RNF213: variants seen among roughly 807,000 people sequenced by gnomAD.
RNF213 encodes E3 ubiquitin-protein ligase RNF213.
A neutral mutation model predicts 514.4 loss-of-function variants in RNF213; 341 were observed. The observed-to-expected ratio is 0.66, with a 90% CI of 0.61 to 0.73. RNF213 has a LOEUF of 0.73. Among genes scored for constraint, RNF213 ranks in the 30% least tolerant of loss-of-function variants. The pLI is 0.00. For synonymous variants in RNF213, 2,655 were observed against 2,658.2 expected (o/e 1.00, Z 0.04); for missense variants, 5,767 against 6,615.6 (o/e 0.87, Z 4.45).
chr17:80,364,760 T>G (rs969756602), intron 42 of RNF213: 3 of 583,628 alleles, frequency 5.1e-6, no homozygotes, highest in Non-Finnish European at 9.1e-6. Context: ...GATTGCTAAG[T>G]CAGAGCATAT....
In RNF213 at chr17:80,343,252, G is replaced by A. The variant is rs1255956292; in HGVS notation, c.6110G>A (p.Gly2037Asp). 6.2e-7 allele frequency: 1 copy of A among 1,613,762 alleles called. No individual in the cohort carries two copies. The highest frequency in any genetic ancestry group is 8.5e-7 in the Non-Finnish European group (1 of 1,179,892). ...DPQVDESRVL[G>D]ALLPFLDAQY... is the part of the protein sequence containing the mutation. ...CAGGTGGATGAGAGCCGAGTCCTGG[G>A]CGCCCTGCTGCCCTTCCTGGATGCG... The change falls in exon 27 of 68, where the codon GGC becomes GAC. Residue 2037 changes from glycine to aspartate, a missense_variant. Transcript: ENST00000582970. This position sits in a 1 kb window ranked among gnomAD's most constrained non-coding sequence, Gnocchi z 4.3.
At chr17:80,383,258 C>T (rs1448920400) in intron 58 of RNF213, among the ~76,000 whole-genome samples, 188 bp downstream of exon 58, 1 of 152,194 alleles carries the variant, frequency 6.6e-6, no homozygotes, top group Non-Finnish European at 1.5e-5. Flanking sequence ...GTGCTCTTCC[C>T]TCCTACAGCT....
chr17:80,270,381 A>G (rs2043780824), intron 2 of RNF213, among the ~76,000 whole-genome samples: 1 of 152,222 alleles, frequency 6.6e-6, no homozygotes, highest in Non-Finnish European at 1.5e-5. Context: ...ATTCCCAGCC[A>G]CTAGCCTGCT....
At chr17:80,368,874 G>A (rs1320449710) in intron 44 of RNF213, among the ~76,000 whole-genome samples, 2 of 152,182 alleles carry the variant, frequency 1.3e-5, no homozygotes, top group Non-Finnish European at 2.9e-5. Flanking sequence ...CTCTGTGAGT[G>A]GTTGGTTTTC....
intron 17 of RNF213, 79 bp from the exon 18 acceptor site, chr17:80,324,951 T>A: frequency 1.5e-6 from 2 of 1,312,560 alleles, no homozygotes; most frequent in Admixed American, 2.0e-5. Flanking sequence ...TGCTATCGAG[T>A]AGGTAATTTG....
intron 38 of RNF213, 181 bp downstream of exon 38, chr17:80,360,387 G>A (rs2079010410): frequency 2.8e-6 from 2 of 712,084 alleles, no homozygotes; most frequent in Non-Finnish European, 2.4e-6. Context: ...AGTTTCTGCT[G>A]AAGGAGTGAG....
chr17:80,283,105 T>C (rs2044354397), intron 3 of RNF213, among the ~76,000 whole-genome samples: 2 of 152,162 alleles, frequency 1.3e-5, no homozygotes. Context: ...CGTAAAATTA[T>C]AAATACCGCT....
intron 8 of RNF213, among the ~76,000 whole-genome samples, chr17:80,293,608 G>C (rs1297406666): frequency 6.6e-6 from 1 of 151,878 alleles, no homozygotes; most frequent in Non-Finnish European, 1.5e-5. Context: ...CGGATCACGA[G>C]GTCAGGAGAT....
Position 80,353,874 on chromosome 17 carries a change from C to G in RNF213, c.10579-145C>G. 8.2e-7 allele frequency: 1 copy of G among 1,217,898 alleles called. No homozygotes were observed. The highest frequency in any genetic ancestry group is 2.0e-5 in the Admixed American group (1 of 51,070). 75.4% of individuals were successfully genotyped at this position (1,217,898 alleles called of 1,614,324 possible). Reference sequence around the variant, plus strand: ...CACCGGCAGTTTGGGGGGTGCAGGGCGGAGGTCGGCGTCTCTTCTTTGTCC... The same window carrying G: ...CACCGGCAGTTTGGGGGGTGCAGGGGGGAGGTCGGCGTCTCTTCTTTGTCC... On this transcript the variant is annotated intron_variant, in intron 34 of 67. Transcript: ENST00000582970. This position sits in a 1 kb window ranked among gnomAD's most constrained non-coding sequence, Gnocchi z 5.0.
At position 80,290,499 on chromosome 17, in the gene RNF213, GCGTGTGTGCA is replaced by G. The variant is rs1568019665; in HGVS notation, c.1113-70_1113-61del. 347 of 1,575,936 alleles carry G rather than the reference GCGTGTGTGCA, an allele frequency of 2.2e-4. 3 individuals carry two copies. The South Asian group carries it at 3.5e-3, about 16-fold the overall frequency. On this transcript the variant is annotated intron_variant, in intron 6 of 67. Transcript: ENST00000582970. ...TGTGTGTGCGCACGTGTGTGTGTGC[GCGTGTGTGCA>G]TGCACATGGCAGGTGGACAGATCTC...
rs1455631493 is a variant in RNF213, at chr17:80,383,667, C to A, written c.14071-10C>A. 6.2e-7 allele frequency: 1 copy of A among 1,608,352 alleles called. No individual in the cohort carries two copies. Among genetic ancestry groups the A allele is most frequent in the Non-Finnish European group, 8.5e-7 (1 of 1,177,990 alleles). ...CTTCCAGAATTTTTTTTTTCATTTT[C>A]TCCATCCAGCATCTAGATAAAACCC... On this transcript the variant is annotated splice_polypyrimidine_tract_variant and intron_variant, in intron 58 of 67. Coordinates refer to ENST00000582970, the MANE Select transcript of RNF213 (RefSeq NM_001256071.3).
intron 20 of RNF213, among the ~76,000 whole-genome samples, chr17:80,330,925 C>A (rs2046397082): frequency 6.6e-6 from 1 of 152,156 alleles, no homozygotes; most frequent in Non-Finnish European, 1.5e-5. Context: ...TCAAGTGAAT[C>A]TTGTGTCTCA....
In RNF213 at chr17:80,290,697, G is replaced by A. The variant is rs773634303; in HGVS notation, c.1240G>A (p.Asp414Asn). 3.1e-6 allele frequency: 5 copies of A among 1,614,086 alleles called. No homozygotes were observed. In the African/African-American group the frequency reaches 5.3e-5, roughly 17 times the overall value. The change falls in exon 7 of 68, where the codon GAC (aspartate) becomes AAC (asparagine). Residue 414 changes from aspartate (D) to asparagine (N), a missense_variant. Coordinates refer to ENST00000582970, the MANE Select transcript of RNF213 (RefSeq NM_001256071.3). The stretch of plus-strand genomic sequence containing the variant: ...AGAAGAATTTGGGGAGTCAAAATGG[G>A]ACAGCAATATCTGTGAGCTGCACTA... ...GGEEFGESKW[D>N]SNICELHYTR...
rs376786732 is a variant in RNF213, at chr17:80,289,788, G to T, written c.1063G>T (p.Glu355Ter). 2 of 1,613,264 alleles carry T rather than the reference G, an allele frequency of 1.2e-6. No individual in the cohort carries two copies. The highest frequency in any genetic ancestry group is 1.3e-5 in the African/African-American group (1 of 74,880). Reference sequence around the variant, plus strand: ...CAGAAGTGCAGCTGCTGTGAAAAACGAGAAGGAGCAAAAAAACCAGGAAGC... The same window carrying T: ...CAGAAGTGCAGCTGCTGTGAAAAACTAGAAGGAGCAAAAAAACCAGGAAGC... ...KNRSAAAVKN[E>*]KEQKNQEADV... is the part of the protein sequence containing the mutation. Residue 355 changes from glutamate to a stop codon, truncating the protein, a stop_gained, in exon 6 of 68, where the codon GAG (glutamate) becomes TAG (stop). Coordinates refer to ENST00000582970, the MANE Select transcript of RNF213 (RefSeq NM_001256071.3). LOFTEE classifies it high-confidence loss of function.
At chr17:80,329,363 T>C (rs755721937) in intron 20 of RNF213, among the ~76,000 whole-genome samples, 4 of 152,228 alleles carry the variant, frequency 2.6e-5, no homozygotes, top group Non-Finnish European at 5.9e-5. Context: ...CCTTCTGAAG[T>C]TTCAATGTGC....
intron 59 of RNF213, 31 bp downstream of exon 59, chr17:80,383,959 C>T (rs2144619535): frequency 6.2e-7 from 1 of 1,614,070 alleles, no homozygotes; most frequent in Non-Finnish European, 8.5e-7. Flanking sequence ...CTCCCTCCCT[C>T]TTTCGGTGCA....
In RNF213 at chr17:80,307,864, T is replaced by TC. The variant is rs531696037; in HGVS notation, c.2501+663_2501+664insC. Among the ~76,000 whole-genome samples, 811 of 151,672 alleles carry TC rather than the reference T, an allele frequency of 5.3e-3. 3 individuals carry two copies. Among genetic ancestry groups the TC allele is most frequent in the Middle Eastern group, 0.01 (3 of 294 alleles). ...CATGCCTGGCCGTCTGTTTTTTTTT[T>TC]TTTTTTTTTTTTAAAGGGAAATAAT... On this transcript the variant is annotated intron_variant, in intron 13 of 67. Transcript: ENST00000582970.
At chr17:80,393,323 G>A in intron 67 of RNF213, 22 bp from the exon 68 acceptor site, 5 of 1,612,152 alleles carry the variant, frequency 3.1e-6, no homozygotes, top group Non-Finnish European at 3.4e-6. Context: ...TGTTTTAAAT[G>A]CTCTCTTCTT....
Position 80,306,198 on chromosome 17 carries a change from T to C in RNF213, c.2211-54T>C, listed in dbSNP as rs1185070838. ...CCTCCAGCATTGGTTTCCTCCATTTTCCCTCACTGATCTCACTGCGTCTCT... is the reference window on the plus strand; with the variant it reads ...CCTCCAGCATTGGTTTCCTCCATTTCCCCTCACTGATCTCACTGCGTCTCT... On this transcript the variant is annotated intron_variant, in intron 11 of 67. Coordinates refer to ENST00000582970, the MANE Select transcript of RNF213 (RefSeq NM_001256071.3). 9 of 1,537,908 alleles carry C rather than the reference T, an allele frequency of 5.9e-6. No homozygotes were observed. In the Admixed American group the frequency reaches 1.5e-4, roughly 26 times the overall value.
Sources: allele counts gnomAD v4.1 joint callset (sites outside exome capture counted in the v4.1 genomes callset), GRCh38; gene constraint gnomAD v4.1.1; non-coding constraint Gnocchi (gnomAD v3.1); transcripts MANE v1.5; gene names NCBI Gene and HGNC (gene_info 2026-07-23, HGNC 2026-07-21).